The following DENND1B variants were observed in gnomAD, a reference collection of about 807,000 sequenced individuals.
DENND1B encodes the protein DENN domain containing 1B.
DENND1B carries 59 observed loss-of-function variants against 90.1 expected under a neutral mutation model. That is an observed-to-expected ratio of 0.65 (90% confidence interval 0.53 to 0.81). The LOEUF (loss-of-function observed/expected upper bound fraction) is 0.81. Among genes scored for constraint, DENND1B ranks in the 40% least tolerant of loss-of-function variants. The pLI is 0.00. For missense variants in DENND1B, 862 were observed against 912.6 expected (o/e 0.94, Z 0.71); for synonymous variants, 337 against 324.6 (o/e 1.04, Z -0.41).
chr1:197,512,724 G>C, intron 21 of DENND1B, 147 bp downstream of exon 21: 1 of 632,474 alleles, frequency 1.6e-6, no homozygotes, highest in East Asian at 2.9e-5. Context: ...TAACATTCCA[G>C]GAGCACTGGG....
At chr1:197,707,844 A>C (rs1445584489) in intron 3 of DENND1B, among the ~76,000 whole-genome samples, 8 of 147,684 alleles carry the variant, frequency 5.4e-5, no homozygotes, top group African/African-American at 2.0e-4. Flanking sequence ...GGAGTGCCAG[A>C]CAGTGGGCGC....
At chr1:197,769,575 G>A (rs919627194) in intron 2 of DENND1B, among the ~76,000 whole-genome samples, 12 of 152,236 alleles carry the variant, frequency 7.9e-5, no homozygotes, top group Non-Finnish European at 1.5e-4. Context: ...GATGTTTGAC[G>A]ACTTCTTGTA....
intron 3 of DENND1B, among the ~76,000 whole-genome samples, chr1:197,674,476 G>A (rs1349328521): frequency 2.0e-5 from 3 of 152,258 alleles, no homozygotes; most frequent in South Asian, 4.1e-4. Context: ...AAGAAGCACC[G>A]CACCATATGG....
intron 3 of DENND1B, among the ~76,000 whole-genome samples, chr1:197,698,726 G>T (rs1658711218): frequency 6.6e-6 from 1 of 152,018 alleles, no homozygotes; most frequent in South Asian, 2.1e-4. Flanking sequence ...TGATAATGGG[G>T]ATATCACCAC....
intron 3 of DENND1B, among the ~76,000 whole-genome samples, chr1:197,701,969 T>C (rs940517573): frequency 2.0e-5 from 3 of 152,196 alleles, no homozygotes; most frequent in African/African-American, 7.2e-5. Context: ...ACCAAAAATA[T>C]TGATGCTTGT....
intron 10 of DENND1B, among the ~76,000 whole-genome samples, chr1:197,637,781 C>A (rs1679924838): frequency 6.6e-6 from 1 of 152,166 alleles, no homozygotes; most frequent in African/African-American, 2.4e-5. Context: ...GAATCTTTCC[C>A]TGAGAGATGA....
chr1:197,747,169 G>A (rs2102393865), intron 2 of DENND1B: 2 of 756,248 alleles, frequency 2.6e-6, no homozygotes, highest in South Asian at 1.4e-5. Context: ...TCTGAATCTT[G>A]AGGTTGCGTT....
chr1:197,549,816 T>C (rs561183939), intron 16 of DENND1B, among the ~76,000 whole-genome samples: 3 of 152,248 alleles, frequency 2.0e-5, no homozygotes, highest in African/African-American at 7.2e-5. Context: ...ATTTCCTTAA[T>C]AGTCCTGATG....
chr1:197,508,387 C>T lies in DENND1B; in HGVS notation c.*2073G>A, dbSNP rs878898203. The T allele has an allele frequency of 1.3e-5, 2 of 151,646 alleles. No individual in the cohort carries two copies. Among genetic ancestry groups the T allele is most frequent in the South Asian group, 4.2e-4 (2 of 4,814 alleles). 9.4% of individuals were successfully genotyped at this position (151,646 alleles called of 1,614,324 possible). A position where few individuals can be genotyped will look rare whatever the true frequency, so the allele number is the denominator to read the frequency against. ...AAGTAAGTTGTAATTTTGTAATAAGCTTATAAAGGCAAAATTTGACAAGAA... is the reference window on the plus strand; with the variant it reads ...AAGTAAGTTGTAATTTTGTAATAAGTTTATAAAGGCAAAATTTGACAAGAA... On this transcript the variant is annotated 3_prime_UTR_variant, in exon 23 of 23. Coordinates refer to ENST00000620048, the MANE Select transcript of DENND1B (RefSeq NM_001195215.2).
intron 10 of DENND1B, among the ~76,000 whole-genome samples, chr1:197,639,096 C>A (rs554564804): frequency 1.3e-5 from 2 of 150,194 alleles, no homozygotes; most frequent in African/African-American, 4.9e-5. Flanking sequence ...CATAGTCTCA[C>A]TCTGTCACCC....
intron 15 of DENND1B, among the ~76,000 whole-genome samples, chr1:197,567,142 G>T (rs536197991): frequency 2.8e-4 from 42 of 151,938 alleles, no homozygotes; most frequent in African/African-American, 9.2e-4. Context: ...AAAAAATAAA[G>T]AAGCCTCAAA....
rs1402872186 is a variant in DENND1B at position 197,523,840 on chromosome 1, A to G, written c.1516-10887T>C. ...GTGTAAATGCTGTTTAACTCTTTCTATACATGGGGTCCATTGTTCAATTAA... is the reference window on the plus strand; with the variant it reads ...GTGTAAATGCTGTTTAACTCTTTCTGTACATGGGGTCCATTGTTCAATTAA... On this transcript the variant is annotated intron_variant, in intron 20 of 22. Transcript: ENST00000620048. Among the ~76,000 whole-genome samples the G allele has an allele frequency of 2.0e-5, 3 of 152,098 alleles. No homozygotes were observed. In the East Asian group the frequency reaches 5.8e-4, roughly 29 times the overall value.
intron 2 of DENND1B, chr1:197,747,321 GT>G: frequency 1.7e-6 from 1 of 586,240 alleles, no homozygotes; most frequent in Admixed American, 2.4e-5. Context: ...TATGATTTCT[GT>G]TTTTCTGATG....
chr1:197,596,674 T>C (rs1250161336), intron 13 of DENND1B, among the ~76,000 whole-genome samples: 1 of 151,646 alleles, frequency 6.6e-6, no homozygotes, highest in African/African-American at 2.4e-5. Flanking sequence ...TGCACACATA[T>C]ACACAAATAC....
At chr1:197,696,980 G>C (rs1467699236) in intron 3 of DENND1B, among the ~76,000 whole-genome samples, 2 of 149,546 alleles carry the variant, frequency 1.3e-5, no homozygotes, top group African/African-American at 4.9e-5. Flanking sequence ...TGGAGGCTCA[G>C]GAAAGCCTTC....
At chr1:197,550,360 T>C (rs1214202135) in intron 16 of DENND1B, among the ~76,000 whole-genome samples, 1 of 152,140 alleles carries the variant, frequency 6.6e-6, no homozygotes, top group Non-Finnish European at 1.5e-5. Flanking sequence ...TGGCCACTAC[T>C]GGCTGTGTGA....
intron 3 of DENND1B, 30 bp downstream of exon 3, chr1:197,715,001 A>G: frequency 6.4e-7 from 1 of 1,563,526 alleles, no homozygotes; most frequent in African/African-American, 1.4e-5. Context: ...CTTCAACTTT[A>G]AATTTTTTAA....
chr1:197,512,385 T>C (rs1668089994), intron 21 of DENND1B, among the ~76,000 whole-genome samples: 1 of 151,798 alleles, frequency 6.6e-6, no homozygotes. Context: ...ATGTTCATTT[T>C]GTCATTGTCA....
chr1:197,570,106 A>G (rs992573328), intron 15 of DENND1B, among the ~76,000 whole-genome samples: 2 of 152,032 alleles, frequency 1.3e-5, no homozygotes, highest in African/African-American at 4.8e-5. Context: ...TGTCAAAAAA[A>G]TAATGGCCAG....
Sources: gnomAD v4.1 joint callset for allele counts (sites outside exome capture counted in the v4.1 genomes callset) on GRCh38, gnomAD v4.1.1 for gene constraint, MANE v1.5 for transcripts, NCBI Gene and HGNC (gene_info 2026-07-23, HGNC 2026-07-21) for gene names.